EXO1: variants seen among roughly 807,000 people sequenced by gnomAD.
EXO1 encodes exonuclease 1.
A neutral mutation model predicts 84.5 loss-of-function variants in EXO1; 69 were observed. The observed-to-expected ratio is 0.82, with a 90% CI of 0.67 to 1.00. EXO1 has a LOEUF of 1.00. EXO1 is among the 50% of genes least tolerant of loss of function. EXO1 has a pLI of 0.00. For synonymous variants in EXO1, 373 were observed against 366.1 expected (o/e 1.02, Z -0.21); for missense variants, 1,045 against 1,000.7 (o/e 1.04, Z -0.60).
Position 241,885,306 on chromosome 1 carries a change from A to C in EXO1, c.2212-8A>C. 6.2e-7 allele frequency: 1 copy of C among 1,610,984 alleles called. No individual in the cohort carries two copies. The highest frequency in any genetic ancestry group is 8.5e-7 in the Non-Finnish European group (1 of 1,177,608). On this transcript the variant is annotated splice_polypyrimidine_tract_variant and splice_region_variant and intron_variant, in intron 14 of 15. Coordinates refer to ENST00000366548, the MANE Select transcript of EXO1 (RefSeq NM_130398.4). ...AGAATGGTCTTAAAATGGGTGTTTAATCTTCAGGTTCCTGGGCTATATAAG... is the reference window on the plus strand; with the variant it reads ...AGAATGGTCTTAAAATGGGTGTTTACTCTTCAGGTTCCTGGGCTATATAAG...
chr1:241,850,903 T>C (rs935621846), intron 4 of EXO1, among the ~76,000 whole-genome samples: 2 of 148,592 alleles, frequency 1.3e-5, no homozygotes, highest in African/African-American at 4.9e-5. Flanking sequence ...GGCACAATCT[T>C]GGCTCACTGC....
intron 15 of EXO1, among the ~76,000 whole-genome samples, chr1:241,887,697 G>A (rs1663146168): frequency 6.6e-6 from 1 of 152,066 alleles, no homozygotes; most frequent in African/African-American, 2.4e-5. Flanking sequence ...GGAGTGCAGT[G>A]GCACAATCTC....
At chr1:241,858,769 A>G (rs753602504) in intron 8 of EXO1, 51 bp downstream of exon 8, 2 of 1,128,028 alleles carry the variant, frequency 1.8e-6, no homozygotes, top group Non-Finnish European at 2.7e-6. Flanking sequence ...CATTTCCTTA[A>G]TAAAATAATA....
chr1:241,859,097 T>C (rs951772500), intron 8 of EXO1, among the ~76,000 whole-genome samples: 1 of 152,238 alleles, frequency 6.6e-6, no homozygotes, highest in African/African-American at 2.4e-5. Context: ...GGTAATATTT[T>C]TTGTTTATGT....
At chr1:241,859,394 G>T (rs4149905) in intron 8 of EXO1, among the ~76,000 whole-genome samples, 2,918 of 152,172 alleles carry the variant, frequency 0.019, 62 homozygotes, top group South Asian at 0.076. Context: ...TTGAGTCCCG[G>T]CAGGCAAGTG....
intron 6 of EXO1, among the ~76,000 whole-genome samples, chr1:241,856,888 T>C (rs1387062281): frequency 1.3e-5 from 2 of 152,088 alleles, no homozygotes; most frequent in Admixed American, 6.6e-5. Flanking sequence ...AAAAAATTAG[T>C]TGGGCATGGT....
upstream of EXO1, chr1:241,848,133 G>C (rs755145912): frequency 6.6e-6 from 1 of 152,314 alleles, no homozygotes; most frequent in Admixed American, 6.5e-5. The surrounding 1 kb of genome is among the most constrained non-coding windows in gnomAD (Gnocchi z 4.2). Context: ...GGCGGAACCG[G>C]GTTGCGGGAT....
chr1:241,859,695 C>A (rs928591821), intron 8 of EXO1, among the ~76,000 whole-genome samples: 2 of 152,180 alleles, frequency 1.3e-5, no homozygotes, highest in East Asian at 3.8e-4. Context: ...GTGTACCCAA[C>A]CTGTATCTGC....
chr1:241,853,219 C>A, intron 5 of EXO1, 139 bp from the exon 6 acceptor site: 1 of 820,254 alleles, frequency 1.2e-6, no homozygotes, highest in Non-Finnish European at 2.0e-6. Context: ...TTAATGTTCT[C>A]AAGGGCCTGG....
In EXO1 at chr1:241,858,559, G is replaced by A; in HGVS notation, c.597G>A (p.Arg199=). 6.2e-7 allele frequency: 1 copy of A among 1,614,162 alleles called. No individual in the cohort carries two copies. The highest frequency in any genetic ancestry group is 2.2e-5 in the East Asian group (1 of 44,868). The change falls in exon 8 of 16, where the codon CGG becomes CGA. Residue 199 remains arginine, a synonymous_variant. Transcript: ENST00000366548. ...FGNGLEIDQA[R]LGMCRQLGDV... ...ATGGACTTGAAATTGATCAAGCTCGGCTAGGAATGTGCAGACAGCTTGGGG... is the reference window on the plus strand; with the variant it reads ...ATGGACTTGAAATTGATCAAGCTCGACTAGGAATGTGCAGACAGCTTGGGG...
chr1:241,862,711 T>C (rs565258193), intron 10 of EXO1, among the ~76,000 whole-genome samples: 1 of 152,348 alleles, frequency 6.6e-6, no homozygotes, highest in South Asian at 2.1e-4. Context: ...TGAATGAGTG[T>C]TAGCCACAGG....
At chr1:241,856,021 C>T (rs1661009912) in intron 6 of EXO1, among the ~76,000 whole-genome samples, 2 of 152,220 alleles carry the variant, frequency 1.3e-5, no homozygotes, top group Non-Finnish European at 2.9e-5. Context: ...CAGAAAGGGG[C>T]TCCCACAGAG....
chr1:241,861,627 T>C (rs2148433730), intron 10 of EXO1, 125 bp downstream of exon 10: 1 of 702,488 alleles, frequency 1.4e-6, no homozygotes, highest in East Asian at 2.6e-5. Context: ...GTGCAGAATG[T>C]ACATTAAAAA....
In EXO1 at chr1:241,857,378, G is replaced by A. The variant is rs756758949; in HGVS notation, c.439G>A (p.Ala147Thr). Residue 147 changes from alanine to threonine, a missense_variant, in exon 7 of 16, where the codon GCT (alanine) becomes ACT (threonine). Physicochemically the swap from Ala to Thr is moderately conservative, Grantham distance 58. Transcript: ENST00000366548. ...ARSQGVDCLV[A>T]PYEADAQLAY... ...GTCTCAGGGGGTAGATTGCCTCGTG[G>A]CTCCCTATGAAGCTGATGCGCAGTT... The A allele has an allele frequency of 6.2e-7, 1 of 1,613,866 alleles. No individual in the cohort carries two copies. Among genetic ancestry groups the A allele is most frequent in the Non-Finnish European group, 8.5e-7 (1 of 1,179,888 alleles).
chr1:241,881,375 A>G (rs892633253), intron 13 of EXO1, among the ~76,000 whole-genome samples: 1 of 152,152 alleles, frequency 6.6e-6, no homozygotes, highest in East Asian at 1.9e-4. Flanking sequence ...TGCAGATTAT[A>G]AGGGAACTCT....
intron 12 of EXO1, among the ~76,000 whole-genome samples, chr1:241,874,142 A>G (rs374971365): frequency 2.1e-3 from 316 of 152,278 alleles, no homozygotes; most frequent in African/African-American, 7.3e-3. Context: ...GCTCATGCCT[A>G]TAATCCCAGC....
intron 14 of EXO1, among the ~76,000 whole-genome samples, chr1:241,882,786 T>C (rs909595376): frequency 6.6e-6 from 1 of 152,172 alleles, no homozygotes; most frequent in African/African-American, 2.4e-5. Flanking sequence ...TTCTTGCCTC[T>C]TCATATTTCA....
At chr1:241,866,669 A>G (rs954234508) in intron 10 of EXO1, among the ~76,000 whole-genome samples, 161 bp from the exon 11 acceptor site, 9 of 151,512 alleles carry the variant, frequency 5.9e-5, no homozygotes, top group Non-Finnish European at 1.2e-4. Context: ...AAAGTATAGG[A>G]CCAGCAAAGT....
chr1:241,889,364 T>A (rs1041794410), intron 15 of EXO1, 101 bp from the exon 16 acceptor site: 1 of 1,027,906 alleles, frequency 9.7e-7, no homozygotes, highest in Non-Finnish European at 1.5e-6. Context: ...CAGTAAAGGG[T>A]CTTATCCTCT....
Sources: allele counts gnomAD v4.1 joint callset (sites outside exome capture counted in the v4.1 genomes callset), GRCh38; gene constraint gnomAD v4.1.1; non-coding constraint Gnocchi (gnomAD v3.1); transcripts MANE v1.5; gene names NCBI Gene and HGNC (gene_info 2026-07-23, HGNC 2026-07-21).